Variants in PDE7B observed in about 807,000 individuals in gnomAD.
PDE7B encodes the protein phosphodiesterase 7B, also known as 3',5'-cyclic-AMP phosphodiesterase 7B.
Under a neutral mutation model 56.2 loss-of-function variants are expected in PDE7B, and 29 were observed. That is an observed-to-expected ratio of 0.52 (90% CI 0.38 to 0.70). The LOEUF is 0.70. Among genes scored for constraint, PDE7B ranks in the 30% least tolerant of loss-of-function variants. The pLI, the probability that PDE7B is intolerant of heterozygous loss-of-function variation, is 0.00. For synonymous variants in PDE7B, 197 were observed against 196.9 expected (o/e 1.00, Z 0.00); for missense variants, 490 against 565.0 (o/e 0.87, Z 1.35).
chr6:136,103,339 T>A (rs1395903462), intron 2 of PDE7B, among the ~76,000 whole-genome samples: 1 of 152,254 alleles, frequency 6.6e-6, no homozygotes, highest in Non-Finnish European at 1.5e-5. Context: ...AACTGGCTGC[T>A]TGTGCTATCC....
intron 8 of PDE7B, 121 bp from the exon 9 acceptor site, chr6:136,173,676 C>A: frequency 1.5e-6 from 1 of 686,058 alleles, no homozygotes; most frequent in South Asian, 1.7e-5. Context: ...TCCTGGTCTG[C>A]CTCTGGGTCA....
At chr6:136,088,145 G>A (rs35477775) in intron 2 of PDE7B, among the ~76,000 whole-genome samples, 3,570 of 152,200 alleles carry the variant, frequency 0.023, 126 homozygotes, top group African/African-American at 0.079. Context: ...AGTAGACTGC[G>A]GCTAAGGAGC....
At chr6:135,990,025 C>A (rs577965096) in intron 2 of PDE7B, among the ~76,000 whole-genome samples, 1 of 151,860 alleles carries the variant, frequency 6.6e-6, no homozygotes, top group East Asian at 1.9e-4. Context: ...GTGGGGAATG[C>A]ATTGTTGCAG....
intron 3 of PDE7B, among the ~76,000 whole-genome samples, chr6:136,131,940 T>C (rs1778125548): frequency 6.6e-6 from 1 of 152,186 alleles, no homozygotes; most frequent in Non-Finnish European, 1.5e-5. Context: ...TTTACAACTT[T>C]ATTGATTTTT....
intron 1 of PDE7B, among the ~76,000 whole-genome samples, chr6:135,932,643 C>A (rs1352723275): frequency 6.6e-6 from 1 of 152,066 alleles, no homozygotes; most frequent in Non-Finnish European, 1.5e-5. Flanking sequence ...ATATCTAACC[C>A]CAGGACAACC....
At position 135,902,739 on chromosome 6, in the gene PDE7B, T is replaced by C. The variant is rs116175245; in HGVS notation, c.22-44725T>C. The stretch of plus-strand genomic sequence containing the variant: ...TTAAAGGACTTACCTGACAAGCAGA[T>C]ATAACTGGTGTTTTGTTAGCTCAGC... On this transcript the variant is annotated intron_variant, in intron 1 of 12. Coordinates refer to ENST00000308191, the MANE Select transcript of PDE7B (RefSeq NM_018945.4). Among the ~76,000 whole-genome samples the C allele has an allele frequency of 8.6e-3, 1,314 of 152,352 alleles. 23 individuals are homozygous for C. The highest frequency in any genetic ancestry group is 0.03 in the African/African-American group (1,243 of 41,584).
At chr6:136,178,463 G>T (rs1779014345) in intron 9 of PDE7B, among the ~76,000 whole-genome samples, 1 of 152,088 alleles carries the variant, frequency 6.6e-6, no homozygotes, top group South Asian at 2.1e-4. Context: ...CTTGCCCACT[G>T]GTTTGTAACA....
At position 135,924,603 on chromosome 6, in the gene PDE7B, A is replaced by ATC. The variant is rs200131211; in HGVS notation, c.22-22847_22-22846dup. Among the ~76,000 whole-genome samples the ATC allele has an allele frequency of 5.3e-3, 661 of 125,188 alleles. 28 individuals carry two copies. Among genetic ancestry groups the ATC allele is most frequent in the East Asian group, 0.022 (75 of 3,414 alleles). 82.1% of individuals were successfully genotyped at this position (125,188 alleles called of 152,430 possible). A position where few individuals can be genotyped will look rare whatever the true frequency, so the allele number is the denominator to read the frequency against. ...TGAATTTCAAACTCTGAGTAGTGGA[A>ATC]TCTCTCTCTCTCTCTTTTTTTTTTT... On this transcript the variant is annotated intron_variant, in intron 1 of 12. Coordinates refer to ENST00000308191, the MANE Select transcript of PDE7B (RefSeq NM_018945.4).
At chr6:135,939,060 TC>T (rs1774466119) in intron 1 of PDE7B, among the ~76,000 whole-genome samples, 2 of 152,296 alleles carry the variant, frequency 1.3e-5, no homozygotes, top group East Asian at 3.9e-4. Context: ...AACATTCTGT[TC>T]TTTGACTGAA....
chr6:136,092,517 T>C (rs1417071137), intron 2 of PDE7B, among the ~76,000 whole-genome samples: 2 of 152,134 alleles, frequency 1.3e-5, no homozygotes, highest in Admixed American at 6.6e-5. Context: ...TCCCAGCACT[T>C]TGGGAAGCTG....
rs977858079 is a variant in PDE7B, at chr6:136,193,964, C to G, written c.*2124C>G. The G allele has an allele frequency of 6.6e-6, 1 of 152,170 alleles. No individual in the cohort carries two copies. The highest frequency in any genetic ancestry group is 2.4e-5 in the African/African-American group (1 of 41,444). 9.4% of individuals were successfully genotyped at this position (152,170 alleles called of 1,614,324 possible). A position where few individuals can be genotyped will look rare whatever the true frequency, so the allele number is the denominator to read the frequency against. On this transcript the variant is annotated 3_prime_UTR_variant, in exon 13 of 13. Transcript: ENST00000308191. ...AAGAAGGGAGGTTGTGGAAAGTTAA[C>G]ACTAGCTTTGTATTTTTTTTTCTGT... is the stretch of plus-strand genomic sequence containing the variant.
chr6:135,997,042 G>A (rs1023487038), intron 2 of PDE7B, among the ~76,000 whole-genome samples: 29 of 152,044 alleles, frequency 1.9e-4, no homozygotes, highest in Non-Finnish European at 3.5e-4. Context: ...GGAAGCTGGA[G>A]GCCATCATTC....
At position 135,878,155 on chromosome 6, in the gene PDE7B, G is replaced by A. The variant is rs534747140; in HGVS notation, c.21+26136G>A. Among the ~76,000 whole-genome samples, 34 of 152,264 alleles carry A rather than the reference G, an allele frequency of 2.2e-4. No individual in the cohort carries two copies. The South Asian group carries it at 4.6e-3, about 20-fold the overall frequency. ...GCCGCAATATCCTGTTAGTTGCCAC[G>A]TTTCTCTCATGACCATAACACTGAA... On this transcript the variant is annotated intron_variant, in intron 1 of 12. Coordinates refer to ENST00000308191, the MANE Select transcript of PDE7B (RefSeq NM_018945.4).
intron 8 of PDE7B, among the ~76,000 whole-genome samples, chr6:136,168,490 G>A (rs1196991096): frequency 1.3e-5 from 2 of 152,010 alleles, no homozygotes; most frequent in Non-Finnish European, 2.9e-5. Flanking sequence ...CATATTAGTG[G>A]GTGATTGATA....
At chr6:136,191,013 CTTTTTTTTTTTTTTTTTTTT>C (rs752187218) in intron 12 of PDE7B, among the ~76,000 whole-genome samples, 1 of 99,350 alleles carries the variant, frequency 1.0e-5, no homozygotes, top group African/African-American at 9.0e-5. Flanking sequence ...CCAGCATACA[CTTTTTTTTTTTTTTTTTTTT>C]TTTTACTTAT....
chr6:136,011,316 C>T (rs953536441), intron 2 of PDE7B, among the ~76,000 whole-genome samples: 1 of 152,146 alleles, frequency 6.6e-6, no homozygotes, highest in African/African-American at 2.4e-5. Flanking sequence ...GATTTAGTCA[C>T]CTCCCTTCTC....
intron 1 of PDE7B, among the ~76,000 whole-genome samples, chr6:135,906,868 T>G (rs1456882414): frequency 6.9e-6 from 1 of 145,940 alleles, no homozygotes; most frequent in African/African-American, 2.6e-5. Flanking sequence ...GATGTCATTG[T>G]GGAAAGGTGG....
intron 2 of PDE7B, among the ~76,000 whole-genome samples, chr6:136,017,516 G>T (rs367683735): frequency 5.6e-5 from 7 of 125,676 alleles, no homozygotes; most frequent in Non-Finnish European, 1.2e-4. Context: ...ACAGGCCCCG[G>T]TGTGTGATGT....
chr6:136,001,886 G>A (rs986896843), intron 2 of PDE7B, among the ~76,000 whole-genome samples: 8 of 151,816 alleles, frequency 5.3e-5, no homozygotes, highest in Non-Finnish European at 1.2e-4. Context: ...GCAACTCCAA[G>A]ACACATAATT....
Sources: gnomAD v4.1 joint callset for allele counts (sites outside exome capture counted in the v4.1 genomes callset) on GRCh38, gnomAD v4.1.1 for gene constraint, MANE v1.5 for transcripts, NCBI Gene and HGNC (gene_info 2026-07-23, HGNC 2026-07-21) for gene names.